Variants in TEX36 observed in about 807,000 individuals in gnomAD.
The protein encoded by TEX36 is testis expressed 36.
In TEX36, 12 loss-of-function variants were observed where a neutral mutation model predicts 13.6. That is an observed-to-expected ratio of 0.88 (90% CI 0.56 to 1.43). TEX36 has a LOEUF of 1.43. TEX36 is among the 40% of genes most tolerant of loss of function. The pLI is 0.00. For synonymous variants in TEX36, 93 were observed against 83.0 expected, an observed-to-expected ratio of 1.12 and a Z score of -0.65; for missense variants, 224 against 228.3, an observed-to-expected ratio of 0.98 and a Z score of 0.12.
At chr10:125,635,731 C>A (rs1448014544) in intron 3 of TEX36, among the ~76,000 whole-genome samples, 1 of 152,154 alleles carries the variant, frequency 6.6e-6, no homozygotes, top group Non-Finnish European at 1.5e-5. Context: ...CTGTTCTCCA[C>A]TCACTCCAGC....
intron 3 of TEX36, among the ~76,000 whole-genome samples, chr10:125,596,411 G>A (rs1255165319): frequency 6.6e-6 from 1 of 152,104 alleles, no homozygotes; most frequent in Non-Finnish European, 1.5e-5. Flanking sequence ...CAAAGATAAA[G>A]CAAAACTGTT....
chr10:125,670,436 G>A (rs892528613), intron 1 of TEX36, among the ~76,000 whole-genome samples: 2 of 151,760 alleles, frequency 1.3e-5, no homozygotes, highest in African/African-American at 4.8e-5. Flanking sequence ...ACTTTTTAAT[G>A]GGGTTTTTTT....
chr10:125,618,589 T>C (rs2133557643), downstream of TEX36, among the ~76,000 whole-genome samples: 3 of 152,220 alleles, frequency 2.0e-5, no homozygotes, highest in Middle Eastern at 6.8e-3. Flanking sequence ...GCCTCTCAGT[T>C]AGGCTGCTCG....
intron 3 of TEX36, among the ~76,000 whole-genome samples, chr10:125,605,041 T>G (rs1238917094): frequency 6.6e-6 from 1 of 152,182 alleles, no homozygotes; most frequent in African/African-American, 2.4e-5. Context: ...CCCTCCAGCC[T>G]TGGTGTGTGG....
intron 3 of TEX36, among the ~76,000 whole-genome samples, chr10:125,587,372 T>TA (rs1402406162): frequency 6.6e-6 from 1 of 152,160 alleles, no homozygotes; most frequent in Non-Finnish European, 1.5e-5. Context: ...ATTTAATTTT[T>TA]AAAGGTTATT....
chr10:125,576,763 G>A, exon 4 of TEX36: 2 of 1,535,330 alleles, frequency 1.3e-6, no homozygotes, highest in Middle Eastern at 3.8e-4. Flanking sequence ...ACTGCAAGGA[G>A]GGGTGCATTA....
intron 1 of TEX36, among the ~76,000 whole-genome samples, chr10:125,677,053 G>A (rs1847324109): frequency 6.6e-6 from 1 of 152,152 alleles, no homozygotes; most frequent in Non-Finnish European, 1.5e-5. Context: ...TAAGGTTTCT[G>A]CTGAGAAACC....
chr10:125,588,021 T>C (rs572279412), intron 3 of TEX36, among the ~76,000 whole-genome samples: 2 of 152,334 alleles, frequency 1.3e-5, no homozygotes, highest in Admixed American at 6.5e-5. Context: ...TATTTAATCA[T>C]TGCACTGGTG....
chr10:125,591,304 A>G (rs910105665), intron 3 of TEX36, among the ~76,000 whole-genome samples: 2 of 152,244 alleles, frequency 1.3e-5, no homozygotes, highest in African/African-American at 4.8e-5. Context: ...AACTATCAAC[A>G]GGAGGGAAGA....
chr10:125,612,510 T>C (rs1846303411), intron 3 of TEX36, among the ~76,000 whole-genome samples: 1 of 152,182 alleles, frequency 6.6e-6, no homozygotes, highest in Non-Finnish European at 1.5e-5. Flanking sequence ...TATATACATA[T>C]TTACATATGT....
At chr10:125,655,426 C>T (rs979529894), downstream of TEX36, among the ~76,000 whole-genome samples, 8 of 152,146 alleles carry the variant, frequency 5.3e-5, no homozygotes, top group African/African-American at 1.9e-4. Context: ...GCCTGGGTGA[C>T]AGAGACTGTC....
chr10:125,645,522 C>T lies in TEX36; in HGVS notation c.264+15499G>A, dbSNP rs149438076. ...CACTAGCAAGAAGGCCCTCACCAGA[C>T]GCAGCCCCTTGGCTCTGGACTTCTC... On this transcript the variant is annotated intron_variant, in intron 3 of 3. Coordinates refer to the TEX36 transcript ENST00000526819. Among the ~76,000 whole-genome samples the T allele has an allele frequency of 4.9e-3, 739 of 152,290 alleles. 6 individuals are homozygous for T. The highest frequency in any genetic ancestry group is 0.016 in the African/African-American group (679 of 41,562).
At position 125,680,077 on chromosome 10, in the gene TEX36, T is replaced by C. The variant is rs564125455; in HGVS notation, c.51+2862A>G. 8.5e-5 allele frequency among the ~76,000 whole-genome samples: 13 copies of C among 152,372 alleles called. No individual in the cohort carries two copies. The South Asian group carries it at 2.7e-3, about 32-fold the overall frequency. The stretch of plus-strand genomic sequence containing the variant: ...TAGAAATGTGTTCAAAGTCAACCTA[T>C]ATCTTTCTCATTCATTCTATCTTCT... On this transcript the variant is annotated intron_variant, in intron 1 of 3. Coordinates refer to ENST00000368821, the MANE Select transcript of TEX36 (RefSeq NM_001128202.3).
At chr10:125,667,547 C>T in intron 1 of TEX36, 6 of 737,264 alleles carry the variant, frequency 8.1e-6, no homozygotes, top group South Asian at 5.5e-5. Flanking sequence ...GTACTGGGCA[C>T]AGCACTCAGA....
At chr10:125,612,507 A>G (rs1846303400) in intron 3 of TEX36, among the ~76,000 whole-genome samples, 1 of 152,102 alleles carries the variant, frequency 6.6e-6, no homozygotes, top group African/African-American at 2.4e-5. Flanking sequence ...ACATATATAC[A>G]TATTTACATA....
chr10:125,683,111 C>G lies in TEX36; in HGVS notation c.-122G>C, dbSNP rs965057140. On this transcript the variant is annotated 5_prime_UTR_variant, in exon 1 of 4. Coordinates refer to ENST00000368821, the MANE Select transcript of TEX36 (RefSeq NM_001128202.3). ...ACACGTCTGGGAAGCTCCTCCTCCT[C>G]CTTGTTCCTGATCTTTACTTCTCAG... 11 of 1,113,058 alleles carry G rather than the reference C, an allele frequency of 9.9e-6. No individual in the cohort carries two copies. The highest frequency in any genetic ancestry group is 5.4e-5 in the South Asian group (4 of 74,444). 68.9% of individuals were successfully genotyped at this position (1,113,058 alleles called of 1,614,324 possible). A position where few individuals can be genotyped will look rare whatever the true frequency, so the allele number is the denominator to read the frequency against.
downstream of TEX36, among the ~76,000 whole-genome samples, chr10:125,652,545 C>T (rs112360402): frequency 0.091 from 13,791 of 152,186 alleles, 1,040 homozygotes; most frequent in African/African-American, 0.2. Flanking sequence ...AGAAGAAAAC[C>T]TAGGCAATAC....
At chr10:125,595,064 A>G (rs867022291) in intron 3 of TEX36, among the ~76,000 whole-genome samples, 7 of 152,234 alleles carry the variant, frequency 4.6e-5, no homozygotes, top group African/African-American at 1.7e-4. Flanking sequence ...TTGATGTAAA[A>G]CAGTGTTCTT....
intron 3 of TEX36, among the ~76,000 whole-genome samples, chr10:125,608,073 G>A (rs1846237197): frequency 6.6e-6 from 1 of 152,194 alleles, no homozygotes; most frequent in Non-Finnish European, 1.5e-5. Context: ...CACAGAGCTT[G>A]GAGACTGATG....
Sources: gnomAD v4.1 joint callset for allele counts (sites outside exome capture counted in the v4.1 genomes callset) on GRCh38, gnomAD v4.1.1 for gene constraint, MANE v1.5 for transcripts, NCBI Gene and HGNC (gene_info 2026-07-23, HGNC 2026-07-21) for gene names.